TTC17: variants seen among roughly 807,000 people sequenced by gnomAD.
The protein encoded by TTC17 is tetratricopeptide repeat domain 17.
In TTC17, 58 loss-of-function variants were observed where a neutral mutation model predicts 143.8. The observed-to-expected ratio is 0.40, with a 90% CI of 0.33 to 0.50. The LOEUF (loss-of-function observed/expected upper bound fraction) is 0.50, where lower values mean the gene tolerates loss of function less well. Ranked by LOEUF, TTC17 falls within the 20% of genes least tolerant of loss-of-function variation. The pLI is 0.49. For missense variants in TTC17, 1,273 were observed against 1,392.5 expected, an observed-to-expected ratio of 0.91 and a Z score of 1.37; for synonymous variants, 501 against 497.8, an observed-to-expected ratio of 1.01 and a Z score of -0.09.
intron 1 of TTC17, among the ~76,000 whole-genome samples, chr11:43,377,165 C>T (rs974179879): frequency 2.6e-5 from 4 of 151,838 alleles, no homozygotes; most frequent in African/African-American, 9.7e-5. Flanking sequence ...TAGTGGCGGA[C>T]GCCTGTAATC....
At chr11:43,359,458 C>T (rs1856006164) in intron 1 of TTC17, among the ~76,000 whole-genome samples, 1 of 152,178 alleles carries the variant, frequency 6.6e-6, no homozygotes, top group African/African-American at 2.4e-5. Context: ...GCCTTTGGTG[C>T]CTCTCGGGTT....
chr11:43,474,085 A>G (rs888073699), intron 21 of TTC17, among the ~76,000 whole-genome samples: 2 of 152,232 alleles, frequency 1.3e-5, no homozygotes, highest in Non-Finnish European at 1.5e-5. Context: ...TTTGTAGCAA[A>G]TTGGAAACAA....
intron 23 of TTC17, 115 bp downstream of exon 23, chr11:43,492,278 A>T (rs1948487483): frequency 7.3e-7 from 1 of 1,370,206 alleles, no homozygotes; most frequent in East Asian, 2.4e-5. Context: ...GCTTGTCTAA[A>T]ATTGCTGGTT....
chr11:43,455,185 T>C (rs975503604), intron 21 of TTC17, among the ~76,000 whole-genome samples: 1 of 151,654 alleles, frequency 6.6e-6, no homozygotes, highest in Non-Finnish European at 1.5e-5. Flanking sequence ...AATAAGAAAT[T>C]TAGAATTTCT....
rs1947470950 is a variant in TTC17 at position 43,443,534 on chromosome 11, A to G, written c.2461A>G (p.Ser821Gly). ...KKGPQDGVAR[S>G]SCYGDCRSED... ...AGGTCCCCAGGATGGAGTGGCCAGA[A>G]GCTCTTGCTATGGAGACTGCAGAAG... The change falls in exon 17 of 24, where the codon AGC (serine) becomes GGC (glycine). Residue 821 changes from serine (S) to glycine (G), a missense_variant. By Grantham distance (56) the Ser-to-Gly change is moderately conservative. Around this residue, in one of 3 missense-constraint regions of TTC17, gnomAD observed 878 missense variants for 899.8 expected, o/e 0.98. Transcript: ENST00000039989. The G allele has an allele frequency of 1.1e-5, 18 of 1,614,002 alleles. No homozygotes were observed. Among genetic ancestry groups the G allele is most frequent in the Non-Finnish European group, 1.5e-5 (18 of 1,180,006 alleles).
intron 16 of TTC17, among the ~76,000 whole-genome samples, chr11:43,437,795 A>G (rs1590419249): frequency 6.6e-6 from 1 of 152,348 alleles, no homozygotes; most frequent in Admixed American, 6.5e-5. Flanking sequence ...CAAGGGAGCC[A>G]TAATACATTT....
chr11:43,432,109 C>G (rs956643148), intron 16 of TTC17, among the ~76,000 whole-genome samples: 4 of 152,206 alleles, frequency 2.6e-5, no homozygotes, highest in Admixed American at 6.5e-5. Flanking sequence ...GGAAAATACT[C>G]TTCTAGCAAT....
chr11:43,453,239 C>G (rs1947698140), intron 21 of TTC17, among the ~76,000 whole-genome samples: 1 of 152,018 alleles, frequency 6.6e-6, no homozygotes, highest in South Asian at 2.1e-4. Context: ...GCTCTAGATT[C>G]AAATAAATAA....
intron 20 of TTC17, among the ~76,000 whole-genome samples, chr11:43,450,638 G>C (rs1590443027): frequency 1.3e-5 from 2 of 152,142 alleles, no homozygotes; most frequent in East Asian, 1.9e-4. Flanking sequence ...CACATCACAA[G>C]TATCCAACAG....
At chr11:43,365,805 T>G (rs1286878756) in intron 1 of TTC17, among the ~76,000 whole-genome samples, 2 of 152,208 alleles carry the variant, frequency 1.3e-5, no homozygotes, top group Non-Finnish European at 2.9e-5. Context: ...GAGAGTATAA[T>G]GCAGGTAGAC....
At chr11:43,472,791 A>G (rs570819033) in intron 21 of TTC17, among the ~76,000 whole-genome samples, 2 of 152,076 alleles carry the variant, frequency 1.3e-5, no homozygotes, top group South Asian at 4.2e-4. Context: ...TTAAATTTTA[A>G]CACATTTAAA....
chr11:43,445,119 AT>A (rs1368441698), intron 18 of TTC17, among the ~76,000 whole-genome samples: 1 of 152,222 alleles, frequency 6.6e-6, no homozygotes, highest in Non-Finnish European at 1.5e-5. Context: ...CACTCAAGAT[AT>A]TGGTAATATA....
In TTC17 at chr11:43,406,103, G is replaced by A. The variant is rs1858118246; in HGVS notation, c.1761+152G>A. 5 of 1,018,616 alleles carry A rather than the reference G, an allele frequency of 4.9e-6. No individual in the cohort carries two copies. In the South Asian group the frequency reaches 5.2e-5, roughly 11 times the overall value. 63.1% of individuals were successfully genotyped at this position (1,018,616 alleles called of 1,614,324 possible). On this transcript the variant is annotated intron_variant, in intron 13 of 23. Transcript: ENST00000039989. Reference sequence around the variant, plus strand: ...GTTAAAGAATTGGTGAAATGATGGCGAAGTCAGTCATGCTATTAAAGGAGT... The same window carrying A: ...GTTAAAGAATTGGTGAAATGATGGCAAAGTCAGTCATGCTATTAAAGGAGT...
At chr11:43,491,456 A>C (rs573745279) in intron 22 of TTC17, 6 of 152,478 alleles carry the variant, frequency 3.9e-5, no homozygotes, top group Admixed American at 2.6e-4. Context: ...TCTGGAGGCC[A>C]GACAGCCTCT....
chr11:43,453,824 C>T (rs1947711361), intron 21 of TTC17, among the ~76,000 whole-genome samples: 1 of 152,148 alleles, frequency 6.6e-6, no homozygotes, highest in South Asian at 2.1e-4. Context: ...ATTTAGTACA[C>T]CTAACCTACC....
At chr11:43,361,025 AG>A (rs1856083221) in intron 1 of TTC17, among the ~76,000 whole-genome samples, 1 of 152,236 alleles carries the variant, frequency 6.6e-6, no homozygotes, top group African/African-American at 2.4e-5. Flanking sequence ...TGGTGTCTGC[AG>A]TGTAACAATA....
chr11:43,408,797 A>G (rs1457502316), intron 15 of TTC17, among the ~76,000 whole-genome samples: 1 of 151,786 alleles, frequency 6.6e-6, no homozygotes. Flanking sequence ...GCTGGAGTGC[A>G]GTGGCGTGGT....
rs1247169703 is a variant in TTC17 at position 43,414,596 on chromosome 11, A to G, written c.2071A>G (p.Thr691Ala). ...GATTTTTTTTTCTTTTCAGCCTCTG[A>G]CCTTTTTGAGCCTGGGAAATGCTTA... is the stretch of plus-strand genomic sequence containing the variant. ...ALAINSSEPL[T>A]FLSLGNAYLA... The change falls in exon 16 of 24, where the codon ACC becomes GCC. Residue 691 changes from threonine to alanine, a missense_variant. By Grantham distance (58) the Thr-to-Ala change is moderately conservative (BLOSUM62 0). Around this residue, in one of 3 missense-constraint regions of TTC17, gnomAD observed 878 missense variants for 899.8 expected, o/e 0.98. Transcript: ENST00000039989. 6.3e-7 allele frequency: 1 copy of G among 1,596,874 alleles called. No homozygotes were observed. The highest frequency in any genetic ancestry group is 2.2e-5 in the East Asian group (1 of 44,668).
chr11:43,451,120 C>A (rs1565173547), intron 20 of TTC17, 62 bp from the exon 21 acceptor site: 3 of 1,506,938 alleles, frequency 2.0e-6, no homozygotes, highest in South Asian at 1.1e-5. Flanking sequence ...TCAGCATTAG[C>A]AGTATCATCT....
Sources: allele counts gnomAD v4.1 joint callset (sites outside exome capture counted in the v4.1 genomes callset), GRCh38; gene constraint gnomAD v4.1.1; regional missense constraint gnomAD v4.1.1; transcripts MANE v1.5; gene names NCBI Gene and HGNC (gene_info 2026-07-23, HGNC 2026-07-21).